The following ATG101 variants were observed in gnomAD, a reference collection of about 807,000 sequenced individuals.
The protein encoded by ATG101 is autophagy-related protein 101.
Under a neutral mutation model 16.7 loss-of-function variants are expected in ATG101, and 6 were observed. The ratio of observed to expected loss-of-function variants is 0.36; its 90% CI spans 0.20 to 0.71. ATG101 has a LOEUF of 0.71. ATG101 is among the 30% of genes least tolerant of loss of function. The probability of loss-of-function intolerance (pLI) is 0.57; values close to 1 mark genes in which losing one functional copy is unlikely to be tolerated. For synonymous variants in ATG101, 108 were observed against 118.1 expected (o/e 0.91, Z 0.56); for missense variants, 200 against 292.5 (o/e 0.68, Z 2.31).
chr12:52,066,042 T>G (rs1939547241), upstream of ATG101, among the ~76,000 whole-genome samples: 1 of 152,086 alleles, frequency 6.6e-6, no homozygotes, highest in Admixed American at 6.6e-5. Flanking sequence ...CACACCTGGC[T>G]AGTTTTGTAT....
At chr12:52,068,205 C>G (rs1412916334), upstream of ATG101, among the ~76,000 whole-genome samples, 1 of 150,142 alleles carries the variant, frequency 6.7e-6, no homozygotes, top group Non-Finnish European at 1.5e-5. Context: ...TGACACCACA[C>G]CTGGCTTTTT....
rs773483226 is a variant in ATG101 at position 52,076,778 on chromosome 12, C to T, written c.253-8C>T. On this transcript the variant is annotated splice_polypyrimidine_tract_variant and splice_region_variant and intron_variant, in intron 3 of 3. Transcript: ENST00000336854. ...CCTTGGCTTGCTCATTCGTTCCCTTCTTCCCAGGATGCACTGCGCAACTCT... is the reference window on the plus strand; with the variant it reads ...CCTTGGCTTGCTCATTCGTTCCCTTTTTCCCAGGATGCACTGCGCAACTCT... 6.8e-6 allele frequency: 11 copies of T among 1,610,428 alleles called. No individual in the cohort carries two copies. Among genetic ancestry groups the T allele is most frequent in the Non-Finnish European group, 8.5e-6 (10 of 1,177,084 alleles).
rs1377386577 is a variant in ATG101, at chr12:52,076,809, C to T, written c.276C>T (p.Gly92=). Residue 92 remains glycine, a synonymous_variant, in exon 4 of 4, where the codon GGC becomes GGT. Coordinates refer to ENST00000336854, the MANE Select transcript of ATG101 (RefSeq NM_021934.5). Reference sequence around the variant, plus strand: ...AGGATGCACTGCGCAACTCTGGTGGCGATGGGCTGGGGCAGATGTCCTTGG... The same window carrying T: ...AGGATGCACTGCGCAACTCTGGTGGTGATGGGCTGGGGCAGATGTCCTTGG... ...EFKDALRNSG[G]DGLGQMSLEF... is the part of the protein sequence containing the mutation. 8.1e-6 allele frequency: 13 copies of T among 1,613,944 alleles called. No homozygotes were observed. The highest frequency in any genetic ancestry group is 6.7e-5 in the East Asian group (3 of 44,894).
At chr12:52,068,954 G>GCA (rs1939586221), upstream of ATG101, among the ~76,000 whole-genome samples, 1 of 125,142 alleles carries the variant, frequency 8.0e-6, no homozygotes, top group South Asian at 2.6e-4. Flanking sequence ...TAGCGCCACT[G>GCA]CACTCCAGCC....
rs577258153 is a variant in ATG101, at chr12:52,072,822, G to A, written c.-76-753G>A. Among the ~76,000 whole-genome samples, 39 of 151,894 alleles carry A rather than the reference G, an allele frequency of 2.6e-4. No individual in the cohort carries two copies. The South Asian group carries it at 8.1e-3, about 32-fold the overall frequency. ...GGGTCTCGCTTTGTCACTCAGGCTG[G>A]AGCACAGTGGCATGATCTCAGCTCA... On this transcript the variant is annotated intron_variant, in intron 2 of 3. Transcript: ENST00000336854.
At chr12:52,073,499 G>A (rs1939682340) in intron 2 of ATG101, 76 bp from the exon 3 acceptor site, 3 of 997,872 alleles carry the variant, frequency 3.0e-6, no homozygotes, top group Non-Finnish European at 4.4e-6. Flanking sequence ...CAGAGGCTGA[G>A]CTGAGCCTAG....
intron 3 of ATG101, 109 bp from the exon 4 acceptor site, chr12:52,076,677 G>C: frequency 7.7e-7 from 1 of 1,298,592 alleles, no homozygotes; most frequent in Non-Finnish European, 1.1e-6. Flanking sequence ...TGCCATGCTT[G>C]GATGATGACT....
At chr12:52,067,058 G>A (rs1180268685), upstream of ATG101, among the ~76,000 whole-genome samples, 1 of 152,218 alleles carries the variant, frequency 6.6e-6, no homozygotes, top group African/African-American at 2.4e-5. Flanking sequence ...CCTGGGATAA[G>A]AGGCAAGGGC....
Position 52,076,825 on chromosome 12 carries a change from A to G in ATG101, c.292A>G (p.Met98Val), listed in dbSNP as rs756825145. 1.2e-6 allele frequency: 2 copies of G among 1,614,174 alleles called. No individual in the cohort carries two copies. Among genetic ancestry groups the G allele is most frequent in the Admixed American group, 3.3e-5 (2 of 60,010 alleles). Reference protein sequence around the residue: ...RNSGGDGLGQMSLEFYQKKKS... With the variant: ...RNSGGDGLGQVSLEFYQKKKS... The stretch of plus-strand genomic sequence containing the variant: ...CTCTGGTGGCGATGGGCTGGGGCAG[A>G]TGTCCTTGGAGTTCTACCAGAAGAA... Residue 98 changes from methionine (M) to valine (V), a missense_variant, in exon 4 of 4, where the codon ATG (methionine) becomes GTG (valine). Physicochemically the swap from Met to Val is conservative, Grantham distance 21. Transcript: ENST00000336854.
At position 52,077,295 on chromosome 12, in the gene ATG101, G is replaced by A; in HGVS notation, c.*105G>A. 1 of 1,339,880 alleles carries A rather than the reference G, an allele frequency of 7.5e-7. No homozygotes were observed. Among genetic ancestry groups the A allele is most frequent in the Non-Finnish European group, 1.0e-6 (1 of 985,940 alleles). The allele number at this position is 1,339,880 out of a possible 1,614,324, so 83.0% of individuals were successfully genotyped here. ...CTGGAACCTGCTCTGGGTCATTGGTGAGACTTGGAAGGGGCAGCCCCCGCT... is the reference window on the plus strand; with the variant it reads ...CTGGAACCTGCTCTGGGTCATTGGTAAGACTTGGAAGGGGCAGCCCCCGCT... On this transcript the variant is annotated 3_prime_UTR_variant, in exon 4 of 4. Coordinates refer to ENST00000336854, the MANE Select transcript of ATG101 (RefSeq NM_021934.5).
chr12:52,067,108 A>G (rs564574881), upstream of ATG101, among the ~76,000 whole-genome samples: 126 of 152,322 alleles, frequency 8.3e-4, no homozygotes, highest in Middle Eastern at 3.4e-3. Context: ...GGAAGAGGAT[A>G]GGGAGCAGAT....
At chr12:52,072,266 G>A (rs7964071) in intron 2 of ATG101, among the ~76,000 whole-genome samples, 32,965 of 152,158 alleles carry the variant, frequency 0.22, 4,355 homozygotes, top group East Asian at 0.46. Context: ...GCAGAGCTGG[G>A]GTTCCATTCC....
At chr12:52,066,744 G>GTGA (rs202067539), upstream of ATG101, among the ~76,000 whole-genome samples, 574 of 152,044 alleles carry the variant, frequency 3.8e-3, 2 homozygotes, top group East Asian at 0.031. Context: ...ATTGGTAGTA[G>GTGA]TGATGATGAT....
Position 52,077,342 on chromosome 12 carries a change from C to A in ATG101, c.*152C>A. 1 of 842,070 alleles carries A rather than the reference C, an allele frequency of 1.2e-6. No individual in the cohort carries two copies. Among genetic ancestry groups the A allele is most frequent in the Non-Finnish European group, 1.8e-6 (1 of 557,086 alleles). 52.2% of individuals were successfully genotyped at this position (842,070 alleles called of 1,614,324 possible). A position where few individuals can be genotyped will look rare whatever the true frequency, so the allele number is the denominator to read the frequency against. ...CGCTGGCTTCTTGGTTTTGTGGTTG[C>A]CAGCCTCAGGTCATCCTTTTAATCT... On this transcript the variant is annotated 3_prime_UTR_variant, in exon 4 of 4. Coordinates refer to ENST00000336854, the MANE Select transcript of ATG101 (RefSeq NM_021934.5).
At chr12:52,071,101 A>G (rs1939643396) in intron 2 of ATG101, 1 of 152,242 alleles carries the variant, frequency 6.6e-6, no homozygotes, top group African/African-American at 2.4e-5. Flanking sequence ...CTAGTGGTAG[A>G]GACAAAAACA....
In ATG101 at chr12:52,077,215, C is replaced by CT; in HGVS notation, c.*27dup. The CT allele has an allele frequency of 6.2e-7, 1 of 1,604,848 alleles. No homozygotes were observed. The highest frequency in any genetic ancestry group is 8.5e-7 in the Non-Finnish European group (1 of 1,173,422). On this transcript the variant is annotated 3_prime_UTR_variant, in exon 4 of 4. Coordinates refer to ENST00000336854, the MANE Select transcript of ATG101 (RefSeq NM_021934.5). ...AGCGTCGCTGGATCTCTGGGAGCTCCTTGATGGCTCCCAGACCTTGGCTTT... is the reference window on the plus strand; with the variant it reads ...AGCGTCGCTGGATCTCTGGGAGCTCCTTTGATGGCTCCCAGACCTTGGCTTT...
chr12:52,073,968 T>G (rs1042217150), intron 3 of ATG101, 66 bp downstream of exon 3: 2 of 1,579,632 alleles, frequency 1.3e-6, no homozygotes, highest in Non-Finnish European at 1.7e-6. Flanking sequence ...CCTCGAGTGC[T>G]CCTCCACTCC....
upstream of ATG101, chr12:52,069,592 T>C (rs1429030714): frequency 2.0e-5 from 3 of 152,110 alleles, no homozygotes; most frequent in Non-Finnish European, 4.4e-5. Context: ...CGCGTCAGCG[T>C]CTCCCGGCCA....
upstream of ATG101, among the ~76,000 whole-genome samples, chr12:52,066,765 A>ATGATGG (rs1369498983): frequency 9.2e-5 from 14 of 152,066 alleles, no homozygotes; most frequent in African/African-American, 3.4e-4. Context: ...GATGATGATG[A>ATGATGG]TGATGTCAGG....
Sources: gnomAD v4.1 joint callset for allele counts (sites outside exome capture counted in the v4.1 genomes callset) on GRCh38, gnomAD v4.1.1 for gene constraint, MANE v1.5 for transcripts, NCBI Gene and HGNC (gene_info 2026-07-23, HGNC 2026-07-21) for gene names.